Variants in MYLK observed in about 807,000 individuals in gnomAD.
The protein encoded by MYLK is myosin light chain kinase.
A neutral mutation model predicts 203.4 loss-of-function variants in MYLK; 106 were observed. The observed-to-expected ratio is 0.52, with a 90% CI of 0.45 to 0.61. The LOEUF (loss-of-function observed/expected upper bound fraction) is 0.61. Ranked by LOEUF, MYLK falls within the 20% of genes least tolerant of loss-of-function variation. MYLK has a pLI of 0.00. For synonymous variants in MYLK, 867 were observed against 959.5 expected (o/e 0.90, Z 1.78); for missense variants, 2,072 against 2,442.3 (o/e 0.85, Z 3.20).
chr3:123,793,729 G>T lies in MYLK; in HGVS notation c.113C>A (p.Pro38His). ...TTCTTTGATGCAGAGGTTCCGAGGGGGCAAAATGAAAGCAGGGGCCTCTGT... is the reference window on the plus strand; with the variant it reads ...TTCTTTGATGCAGAGGTTCCGAGGGTGCAAAATGAAAGCAGGGGCCTCTGT... The part of the protein sequence containing the change: ...PLTEAPAFIL[P>H]PRNLCIKEGA... The change falls in exon 4 of 34, where the codon CCC (proline) becomes CAC (histidine). Residue 38 changes from proline (P) to histidine (H), a missense_variant. By Grantham distance (77) the Pro-to-His change is moderately conservative. Coordinates refer to ENST00000360304, the MANE Select transcript of MYLK (RefSeq NM_053025.4). 2.5e-6 allele frequency: 4 copies of T among 1,614,136 alleles called. No homozygotes were observed. Among genetic ancestry groups the T allele is most frequent in the Non-Finnish European group, 3.4e-6 (4 of 1,180,034 alleles).
intron 3 of MYLK, among the ~76,000 whole-genome samples, chr3:123,802,539 T>A (rs1392423603): frequency 6.6e-6 from 1 of 152,222 alleles, no homozygotes. Flanking sequence ...TGCCCACATC[T>A]TTGGCAGAAA....
chr3:123,679,060 G>T (rs1252697264), intron 20 of MYLK, among the ~76,000 whole-genome samples: 1 of 152,148 alleles, frequency 6.6e-6, no homozygotes, highest in Non-Finnish European at 1.5e-5. Context: ...TGTAATCCCA[G>T]CACTTTGGGA....
At position 123,825,561 on chromosome 3, in the gene MYLK, G is replaced by A. The variant is rs74503377; in HGVS notation, c.-4+5987C>T. Among the ~76,000 whole-genome samples the A allele has an allele frequency of 1.5e-3, 236 of 152,278 alleles. 1 individual carries two copies. The highest frequency in any genetic ancestry group is 4.5e-3 in the African/African-American group (189 of 41,558). On this transcript the variant is annotated intron_variant, in intron 3 of 33. Transcript: ENST00000360304. ...CACACAGCCACATTGCCCTGAATTC[G>A]GAGCACAAAGTATGCACTTCCCATC...
chr3:123,847,642 CTAA>C (rs2030194716), intron 2 of MYLK, among the ~76,000 whole-genome samples: 1 of 152,050 alleles, frequency 6.6e-6, no homozygotes, highest in Non-Finnish European at 1.5e-5. Flanking sequence ...TAAATTCTGA[CTAA>C]TGTTTTTTCT....
At chr3:123,771,451 G>A (rs1304647432) in intron 4 of MYLK, among the ~76,000 whole-genome samples, 1 of 152,080 alleles carries the variant, frequency 6.6e-6, no homozygotes, top group Non-Finnish European at 1.5e-5. Flanking sequence ...CAGTCCTTAA[G>A]TTTATTCCTA....
intron 4 of MYLK, among the ~76,000 whole-genome samples, chr3:123,755,364 C>T (rs2063329595): frequency 6.6e-6 from 1 of 152,206 alleles, no homozygotes; most frequent in Non-Finnish European, 1.5e-5. Flanking sequence ...CTGTCTCTTT[C>T]TCTTTTCCTC....
intron 11 of MYLK, among the ~76,000 whole-genome samples, chr3:123,728,226 G>C (rs531804335): frequency 3.9e-4 from 59 of 152,324 alleles, no homozygotes; most frequent in African/African-American, 1.1e-3. Flanking sequence ...CAAACATCCA[G>C]GAGTGGTGGC....
intron 2 of MYLK, among the ~76,000 whole-genome samples, chr3:123,855,298 CTG>C (rs2031257710): frequency 6.6e-6 from 1 of 152,066 alleles, no homozygotes; most frequent in African/African-American, 2.4e-5. Context: ...CTTTATATTT[CTG>C]TGCCGCAGCC....
intron 32 of MYLK, 22 bp downstream of exon 32, chr3:123,620,185 G>A (rs1559969652): frequency 6.2e-7 from 1 of 1,603,546 alleles, no homozygotes; most frequent in Admixed American, 1.7e-5. Flanking sequence ...CTCACCAGCT[G>A]GCTGGAGAAA....
At position 123,614,069 on chromosome 3, in the gene MYLK, AAT is replaced by A; in HGVS notation, c.*34_*35del. On this transcript the variant is annotated 3_prime_UTR_variant, in exon 34 of 34. Transcript: ENST00000360304. ...TGAGTTTTAGAGAAATAGTCCTTTT[AAT>A]ATGACTTAGAAACTGCTTTTCTCTG... 1 of 1,573,312 alleles carries A rather than the reference AAT, an allele frequency of 6.4e-7. No homozygotes were observed. The highest frequency in any genetic ancestry group is 8.7e-7 in the Non-Finnish European group (1 of 1,151,386).
At chr3:123,670,831 A>G (rs893578549) in intron 20 of MYLK, among the ~76,000 whole-genome samples, 1 of 152,250 alleles carries the variant, frequency 6.6e-6, no homozygotes, top group African/African-American at 2.4e-5. Flanking sequence ...GTTAGTAGCT[A>G]TCACATTGTG....
At position 123,649,033 on chromosome 3, in the gene MYLK, T is replaced by C; in HGVS notation, c.4353A>G (p.Thr1451=). The C allele has an allele frequency of 6.2e-7, 1 of 1,614,222 alleles. No homozygotes were observed. The highest frequency in any genetic ancestry group is 8.5e-7 in the Non-Finnish European group (1 of 1,180,038). ...DEKEPEVDYR[T]VTINTEQKVS... is the part of the protein sequence containing the mutation. ...CTTTTTGTTCAGTATTGATTGTCAC[T>C]GTCCGGTAATCAACCTCGGGCTCCT... Residue 1451 remains threonine, a synonymous_variant, in exon 26 of 34, where the codon ACA becomes ACG. Transcript: ENST00000360304.
At chr3:123,633,275 C>T (rs1477857809) in intron 29 of MYLK, among the ~76,000 whole-genome samples, 4 of 151,894 alleles carry the variant, frequency 2.6e-5, no homozygotes, top group African/African-American at 4.8e-5. Context: ...CACAGGCGCA[C>T]GCCACCATGC....
Position 123,793,786 on chromosome 3 carries a change from A to G in MYLK, c.56T>C (p.Val19Ala). The change falls in exon 4 of 34, where the codon GTG becomes GCG. Residue 19 changes from valine to alanine, a missense_variant. Val to Ala is a moderately conservative substitution (Grantham distance 64, BLOSUM62 0). Coordinates refer to ENST00000360304, the MANE Select transcript of MYLK (RefSeq NM_053025.4). ...SSHISKTSLS[V>A]DPSRVDSMPL... is the part of the protein sequence containing the mutation. ...CATGGAGTCAACTCTTGAGGGATCC[A>G]CACTGAGGGAGGTTTTGGAAATGTG... The G allele has an allele frequency of 3.1e-6, 5 of 1,614,218 alleles. No individual in the cohort carries two copies. Among genetic ancestry groups the G allele is most frequent in the Non-Finnish European group, 4.2e-6 (5 of 1,180,040 alleles).
At chr3:123,818,619 G>C (rs2065823738) in intron 3 of MYLK, among the ~76,000 whole-genome samples, 1 of 152,168 alleles carries the variant, frequency 6.6e-6, no homozygotes, top group South Asian at 2.1e-4. Flanking sequence ...GAGTCCAGAA[G>C]GCAGAGGTTG....
At chr3:123,843,437 A>G (rs565062631) in intron 2 of MYLK, among the ~76,000 whole-genome samples, 31 of 152,310 alleles carry the variant, frequency 2.0e-4, no homozygotes, top group African/African-American at 7.5e-4. Flanking sequence ...GCTAGGGAGC[A>G]GGACAAGGAG....
intron 2 of MYLK, among the ~76,000 whole-genome samples, chr3:123,848,180 G>T (rs2030281604): frequency 6.7e-6 from 1 of 149,680 alleles, no homozygotes. Context: ...ATAGGTTTTT[G>T]ATGTTTATTA....
intron 2 of MYLK, among the ~76,000 whole-genome samples, chr3:123,834,783 G>C (rs2682208): frequency 0.84 from 128,103 of 152,164 alleles, 54,140 homozygotes; most frequent in East Asian, 0.96. Flanking sequence ...TCTAGTGCCT[G>C]CTCTAAAATA....
chr3:123,710,856 GAT>G (rs1270514792), intron 13 of MYLK, among the ~76,000 whole-genome samples: 1 of 152,134 alleles, frequency 6.6e-6, no homozygotes, highest in Non-Finnish European at 1.5e-5. Context: ...AACAAATTGT[GAT>G]ATATCCACAC....
Sources: gnomAD v4.1 joint callset for allele counts (sites outside exome capture counted in the v4.1 genomes callset) on GRCh38, gnomAD v4.1.1 for gene constraint, MANE v1.5 for transcripts, NCBI Gene and HGNC (gene_info 2026-07-23, HGNC 2026-07-21) for gene names.